Variants in FER observed in about 807,000 individuals in gnomAD.
The protein encoded by FER is tyrosine-protein kinase Fer.
A neutral mutation model predicts 111.0 loss-of-function variants in FER; 63 were observed. The observed-to-expected ratio is 0.57, with a 90% CI of 0.46 to 0.70. FER has a LOEUF of 0.70. FER is among the 30% of genes least tolerant of loss of function. FER has a pLI of 0.00. For synonymous variants in FER, 327 were observed against 313.9 expected (o/e 1.04, Z -0.44); for missense variants, 914 against 954.0 (o/e 0.96, Z 0.55).
chr5:108,977,601 C>T (rs1247942697), intron 13 of FER, among the ~76,000 whole-genome samples: 3 of 152,146 alleles, frequency 2.0e-5, no homozygotes, highest in African/African-American at 4.8e-5. Context: ...TTCTATGTTC[C>T]CCACTGCCCC....
chr5:109,052,589 G>T (rs903883506), intron 16 of FER: 3 of 584,126 alleles, frequency 5.1e-6, no homozygotes, highest in Non-Finnish European at 9.1e-6. Flanking sequence ...TTAAAACTCC[G>T]CTGCTGTTTG....
chr5:109,113,002 A>G (rs1032416663), intron 17 of FER, among the ~76,000 whole-genome samples: 4 of 152,120 alleles, frequency 2.6e-5, no homozygotes, highest in African/African-American at 9.7e-5. Context: ...GTCTTTCCTA[A>G]TCCATCTACC....
chr5:108,754,237 G>C (rs532064192), intron 1 of FER, among the ~76,000 whole-genome samples: 108 of 151,724 alleles, frequency 7.1e-4, no homozygotes, highest in South Asian at 1.9e-3. Context: ...ATAACGAGAC[G>C]GCACTCTACA....
rs531436096 is a variant in FER at position 108,811,074 on chromosome 5, C to A, written c.207+12685C>A. On this transcript the variant is annotated intron_variant, in intron 3 of 19. Coordinates refer to ENST00000281092, the MANE Select transcript of FER (RefSeq NM_005246.4). ...TGCCTGGCCGTGGAATGGAGAGGGC[C>A]CTTCTGCCCCACAATCTATGTCCAG... is the stretch of plus-strand genomic sequence containing the variant. 2.0e-5 allele frequency among the ~76,000 whole-genome samples: 3 copies of A among 152,252 alleles called. No individual in the cohort carries two copies. The South Asian group carries it at 6.2e-4, about 32-fold the overall frequency.
chr5:109,038,003 C>G (rs537978640), intron 14 of FER, among the ~76,000 whole-genome samples: 33 of 151,842 alleles, frequency 2.2e-4, no homozygotes, highest in African/African-American at 7.7e-4. Context: ...AATTTTATAA[C>G]TAGTTCTATT....
intron 17 of FER, among the ~76,000 whole-genome samples, chr5:109,159,669 A>C (rs1380869981): frequency 6.6e-6 from 1 of 152,182 alleles, no homozygotes; most frequent in Non-Finnish European, 1.5e-5. Flanking sequence ...CTTTCATAAA[A>C]TGAGATTCAG....
chr5:109,054,217 T>C (rs1475874134), intron 16 of FER, among the ~76,000 whole-genome samples: 1 of 152,182 alleles, frequency 6.6e-6, no homozygotes, highest in Non-Finnish European at 1.5e-5. Flanking sequence ...CCAAATTACT[T>C]TCTAAAGTTT....
intron 16 of FER, among the ~76,000 whole-genome samples, chr5:109,048,036 A>G (rs1167378678): frequency 6.6e-6 from 1 of 152,202 alleles, no homozygotes; most frequent in East Asian, 1.9e-4. Context: ...GTATTTAATA[A>G]GTGAAAGGGA....
intron 13 of FER, among the ~76,000 whole-genome samples, chr5:108,996,176 G>C (rs1375347224): frequency 6.6e-6 from 1 of 152,052 alleles, no homozygotes; most frequent in Non-Finnish European, 1.5e-5. Flanking sequence ...TTGTCAGATG[G>C]AGAGATTGCA....
At chr5:108,855,124 T>G (rs1037499343) in intron 5 of FER, among the ~76,000 whole-genome samples, 1 of 152,078 alleles carries the variant, frequency 6.6e-6, no homozygotes, top group African/African-American at 2.4e-5. Flanking sequence ...AGAGTCTTAT[T>G]AGATACTCAA....
intron 16 of FER, among the ~76,000 whole-genome samples, chr5:109,094,702 T>C (rs1285943186): frequency 1.3e-5 from 2 of 152,134 alleles, no homozygotes; most frequent in East Asian, 3.8e-4. Context: ...TGTTTTCCAA[T>C]AAAACTTTAT....
chr5:108,932,529 A>G (rs868571384), intron 10 of FER, among the ~76,000 whole-genome samples: 50 of 152,190 alleles, frequency 3.3e-4, no homozygotes, highest in African/African-American at 1.2e-3. Flanking sequence ...TCCTTTGGGT[A>G]TATAGCCAGT....
chr5:109,044,194 T>C (rs1237245570), intron 14 of FER, among the ~76,000 whole-genome samples: 1 of 151,814 alleles, frequency 6.6e-6, no homozygotes, highest in Admixed American at 6.6e-5. Context: ...TTTTTTTTTT[T>C]TGGAGACAGA....
In FER at chr5:108,925,847, A is replaced by C. The variant is rs188601178; in HGVS notation, c.1237-20283A>C. Among the ~76,000 whole-genome samples the C allele has an allele frequency of 1.5e-3, 227 of 152,132 alleles. 2 individuals carry two copies. Among genetic ancestry groups the C allele is most frequent in the African/African-American group, 5.1e-3 (211 of 41,550 alleles). ...ATAAGTTTTGCTTATCTGGTTTATA[A>C]ATTTATAAAAATATTAGAGGATATT... On this transcript the variant is annotated intron_variant, in intron 10 of 19. Coordinates refer to ENST00000281092, the MANE Select transcript of FER (RefSeq NM_005246.4).
At chr5:108,806,281 G>C (rs886775222) in intron 3 of FER, among the ~76,000 whole-genome samples, 1 of 152,220 alleles carries the variant, frequency 6.6e-6, no homozygotes, top group Non-Finnish European at 1.5e-5. Flanking sequence ...AGGATGTGTG[G>C]AAATGCCTGG....
At chr5:109,173,767 C>T (rs1003778507) in intron 17 of FER, among the ~76,000 whole-genome samples, 1 of 140,726 alleles carries the variant, frequency 7.1e-6, no homozygotes. Flanking sequence ...CCCCCCCCCC[C>T]ACAAGTAACA....
At chr5:108,876,505 T>G (rs1288091119) in intron 8 of FER, among the ~76,000 whole-genome samples, 2 of 152,166 alleles carry the variant, frequency 1.3e-5, no homozygotes, top group Non-Finnish European at 2.9e-5. Context: ...CATCTTATTT[T>G]TATTATCAGT....
In FER at chr5:108,869,476, C is replaced by G. The variant is rs112335694; in HGVS notation, c.665+1526C>G. Reference sequence around the variant, plus strand: ...TAGGGTCTTTGCAGATGTAATTAGTCAAGGATCTCAAGTTGAAATCATTCT... The same window carrying G: ...TAGGGTCTTTGCAGATGTAATTAGTGAAGGATCTCAAGTTGAAATCATTCT... On this transcript the variant is annotated intron_variant, in intron 6 of 19. Transcript: ENST00000281092. Among the ~76,000 whole-genome samples, 1,035 of 152,154 alleles carry G rather than the reference C, an allele frequency of 6.8e-3. 13 individuals carry two copies. The highest frequency in any genetic ancestry group is 0.023 in the African/African-American group (973 of 41,538).
chr5:108,988,734 A>G (rs1321413805), intron 13 of FER, among the ~76,000 whole-genome samples: 11 of 152,180 alleles, frequency 7.2e-5, no homozygotes, highest in African/African-American at 2.2e-4. Flanking sequence ...TCAAAGAACC[A>G]GCTTTTTGCT....
Sources: allele counts gnomAD v4.1 joint callset (sites outside exome capture counted in the v4.1 genomes callset), GRCh38; gene constraint gnomAD v4.1.1; transcripts MANE v1.5; gene names NCBI Gene and HGNC (gene_info 2026-07-23, HGNC 2026-07-21).